The following MATN2 variants were observed in gnomAD, a reference collection of about 807,000 sequenced individuals.
MATN2 encodes the protein matrilin-2.
In MATN2, 69 loss-of-function variants were observed where a neutral mutation model predicts 103.2. The ratio of observed to expected loss-of-function variants is 0.67; its 90% CI spans 0.55 to 0.82. The LOEUF (loss-of-function observed/expected upper bound fraction) is 0.82, where lower values mean the gene tolerates loss of function less well. Among genes scored for constraint, MATN2 ranks in the 40% least tolerant of loss-of-function variants. MATN2 has a pLI of 0.00. For synonymous variants in MATN2, 429 were observed against 450.2 expected, an observed-to-expected ratio of 0.95 and a Z score of 0.60; for missense variants, 1,023 against 1,211.5, an observed-to-expected ratio of 0.84 and a Z score of 2.31.
rs541011473 is a variant in MATN2 at position 97,879,911 on chromosome 8, TAGGTGGAAGACAGGA to T, written c.-26-8159_-26-8145del. ...TCCCATTTGCTAGGGATTCCAGGATTAGGTGGAAGACAGGAAGGTACAGCCTGAAATTCACACAGC... is the reference window on the plus strand; with the variant it reads ...TCCCATTTGCTAGGGATTCCAGGATTAGGTACAGCCTGAAATTCACACAGC... On this transcript the variant is annotated intron_variant, in intron 1 of 18. Transcript: ENST00000254898. Among the ~76,000 whole-genome samples, 360 of 152,208 alleles carry T rather than the reference TAGGTGGAAGACAGGA, an allele frequency of 2.4e-3. 3 individuals carry two copies. The highest frequency in any genetic ancestry group is 5.2e-3 in the South Asian group (25 of 4,816).
intron 4 of MATN2, among the ~76,000 whole-genome samples, chr8:97,946,566 C>T (rs1039448667): frequency 6.6e-6 from 1 of 152,182 alleles, no homozygotes; most frequent in African/African-American, 2.4e-5. Context: ...CCTTATCCTT[C>T]CCCTTCCCAG....
rs1281530401 is a variant in MATN2, at chr8:98,003,732, T to C, written c.1276T>C (p.Cys426Arg). Reference protein sequence around the residue: ...ECVNMEESYYCRCHRGYTLDP... With the variant: ...ECVNMEESYYRRCHRGYTLDP... ...CGTCAACATGGAGGAGAGCTACTACTGCCGCTGCCACCGTGGCTACACTCT... is the reference window on the plus strand; with the variant it reads ...CGTCAACATGGAGGAGAGCTACTACCGCCGCTGCCACCGTGGCTACACTCT... The change falls in exon 8 of 19, where the codon TGC becomes CGC. Residue 426 changes from cysteine (C) to arginine (R), a missense_variant. By Grantham distance (180) the Cys-to-Arg change is radical. Transcript: ENST00000254898. The C allele has an allele frequency of 1.2e-6, 2 of 1,613,378 alleles. No homozygotes were observed. The highest frequency in any genetic ancestry group is 1.7e-6 in the Non-Finnish European group (2 of 1,179,660).
chr8:97,988,189 T>TATATATATATATATATATACACAC (rs71570279), intron 6 of MATN2, among the ~76,000 whole-genome samples: 3 of 54,968 alleles, frequency 5.5e-5, no homozygotes, highest in African/African-American at 1.6e-4. Context: ...TATATATATA[T>TATATATATATATATATATACACAC]ACACACACAC....
At chr8:98,018,229 C>A in intron 12 of MATN2, 113 bp downstream of exon 12, 9 of 1,384,804 alleles carry the variant, frequency 6.5e-6, no homozygotes, top group Non-Finnish European at 9.0e-6. Flanking sequence ...AGTGTCAGTT[C>A]CTGCCTTGGG....
In MATN2 at chr8:98,003,691, G is replaced by C; in HGVS notation, c.1235G>C (p.Gly412Ala). Residue 412 changes from glycine (G) to alanine (A), a missense_variant, in exon 8 of 19, where the codon GGC becomes GCC. By Grantham distance (60) the Gly-to-Ala change is moderately conservative. Transcript: ENST00000254898. The stretch of plus-strand genomic sequence containing the variant: ...AACTACTGTGCACTGAACAAACCGG[G>C]CTGTGAGCATGAGTGCGTCAACATG... ...RINYCALNKP[G>A]CEHECVNMEE... 1 of 1,613,862 alleles carries C rather than the reference G, an allele frequency of 6.2e-7. No individual in the cohort carries two copies. Among genetic ancestry groups the C allele is most frequent in the South Asian group, 1.1e-5 (1 of 91,090 alleles).
chr8:98,002,962 C>G (rs757678806), intron 7 of MATN2, among the ~76,000 whole-genome samples: 4 of 152,122 alleles, frequency 2.6e-5, no homozygotes, highest in Non-Finnish European at 4.4e-5. Context: ...TCCAGTCATG[C>G]TCAGGTGGGC....
chr8:97,881,574 T>C lies in MATN2; in HGVS notation c.-26-6501T>C, dbSNP rs532497570. Among the ~76,000 whole-genome samples the C allele has an allele frequency of 5.8e-4, 89 of 152,234 alleles. 2 individuals are homozygous for C. The highest frequency in any genetic ancestry group is 7.1e-4 in the Non-Finnish European group (48 of 68,050). ...GTATTATTTTAAAATATTCTTTCCATGTTCCCAAATGCTTCATGGAATCTG... is the reference window on the plus strand; with the variant it reads ...GTATTATTTTAAAATATTCTTTCCACGTTCCCAAATGCTTCATGGAATCTG... On this transcript the variant is annotated intron_variant, in intron 1 of 18. Coordinates refer to ENST00000254898, the MANE Select transcript of MATN2 (RefSeq NM_002380.5).
chr8:97,935,229 A>G (rs1385701510), intron 3 of MATN2, among the ~76,000 whole-genome samples: 2 of 151,988 alleles, frequency 1.3e-5, no homozygotes, highest in South Asian at 2.1e-4. Flanking sequence ...TATTATCCCT[A>G]TTTTACACAA....
intron 2 of MATN2, among the ~76,000 whole-genome samples, chr8:97,908,599 G>C (rs1240370037): frequency 6.6e-6 from 1 of 152,118 alleles, no homozygotes; most frequent in African/African-American, 2.4e-5. Context: ...ACCATCTACT[G>C]TACTGACTTA....
intron 2 of MATN2, among the ~76,000 whole-genome samples, chr8:97,897,565 G>T (rs1818854646): frequency 6.6e-6 from 1 of 152,168 alleles, no homozygotes; most frequent in Non-Finnish European, 1.5e-5. Context: ...ACAAATGAAG[G>T]TCGATGCATT....
intron 2 of MATN2, among the ~76,000 whole-genome samples, chr8:97,913,259 T>A (rs938144160): frequency 6.6e-6 from 1 of 152,104 alleles, no homozygotes; most frequent in Non-Finnish European, 1.5e-5. Context: ...GCTGGAAGAC[T>A]CATGGGGAGA....
intron 4 of MATN2, chr8:97,951,908 G>A (rs1220990951): frequency 6.6e-6 from 1 of 152,214 alleles, no homozygotes; most frequent in African/African-American, 2.4e-5. Flanking sequence ...CGGGAAAGGA[G>A]GAGACTAGGC....
chr8:97,896,211 A>G (rs1291828889), intron 2 of MATN2, among the ~76,000 whole-genome samples: 1 of 152,202 alleles, frequency 6.6e-6, no homozygotes, highest in Non-Finnish European at 1.5e-5. Context: ...TTCAATCTTG[A>G]TTAACCTTCT....
rs1179398817 is a variant in MATN2, at chr8:98,036,519, C to T, written c.*807C>T. The T allele has an allele frequency of 2.0e-5, 3 of 152,172 alleles. No homozygotes were observed. Among genetic ancestry groups the T allele is most frequent in the Non-Finnish European group, 2.9e-5 (2 of 68,036 alleles). 9.4% of individuals were successfully genotyped at this position (152,172 alleles called of 1,614,324 possible). A position where few individuals can be genotyped will look rare whatever the true frequency, so the allele number is the denominator to read the frequency against. ...CACAACCCTGTAAATCTAGCAACTG[C>T]ACTCAGTTGATTTCAGCCCATACAT... On this transcript the variant is annotated 3_prime_UTR_variant, in exon 19 of 19. Coordinates refer to ENST00000254898, the MANE Select transcript of MATN2 (RefSeq NM_002380.5).
chr8:97,986,855 C>T (rs569623370), intron 6 of MATN2, among the ~76,000 whole-genome samples: 11 of 152,010 alleles, frequency 7.2e-5, no homozygotes, highest in Non-Finnish European at 1.2e-4. Flanking sequence ...TTTTTTGAGA[C>T]GGAGTCTCGC....
intron 1 of MATN2, among the ~76,000 whole-genome samples, chr8:97,884,625 G>T (rs1818366715): frequency 6.6e-6 from 1 of 152,020 alleles, no homozygotes; most frequent in South Asian, 2.1e-4. Context: ...CAAAAAATTA[G>T]CTGGGCATGG....
rs189656461 is a variant in MATN2, at chr8:97,890,685, G to C, written c.142+2443G>C. On this transcript the variant is annotated intron_variant, in intron 2 of 18. Transcript: ENST00000254898. The stretch of plus-strand genomic sequence containing the variant: ...AGTGTTTTGTATTTTATGCATGTTT[G>C]CTTCTCTTGGCTCTTGGACTATTTG... 1.5e-3 allele frequency among the ~76,000 whole-genome samples: 235 copies of C among 152,176 alleles called. 1 individual carries two copies. The highest frequency in any genetic ancestry group is 2.6e-3 in the Non-Finnish European group (175 of 68,004).
chr8:97,888,180 C>G lies in MATN2; in HGVS notation c.80C>G (p.Ser27Ter). The change falls in exon 2 of 19, where the codon TCA (serine) becomes TGA (stop). Residue 27 changes from serine (S) to a stop codon, truncating the protein, a stop_gained. Transcript: ENST00000254898. LOFTEE classifies it high-confidence loss of function. ...VLLPAEARER[S>*]RGRSISRGRH... Reference sequence around the variant, plus strand: ...CTCCCTGCCGAGGCCAGGGAGCGGTCACGTGGGAGGTCCATCTCTAGGGGC... The same window carrying G: ...CTCCCTGCCGAGGCCAGGGAGCGGTGACGTGGGAGGTCCATCTCTAGGGGC... 6.2e-7 allele frequency: 1 copy of G among 1,605,540 alleles called. No homozygotes were observed. Among genetic ancestry groups the G allele is most frequent in the Non-Finnish European group, 8.5e-7 (1 of 1,174,850 alleles).
intron 3 of MATN2, among the ~76,000 whole-genome samples, chr8:97,938,124 A>G (rs1213020698): frequency 1.3e-5 from 2 of 152,080 alleles, no homozygotes; most frequent in Admixed American, 6.6e-5. Flanking sequence ...CCTCCCACTC[A>G]TGACAGTGGG....
Sources: gnomAD v4.1 joint callset for allele counts (sites outside exome capture counted in the v4.1 genomes callset) on GRCh38, gnomAD v4.1.1 for gene constraint, MANE v1.5 for transcripts, NCBI Gene and HGNC (gene_info 2026-07-23, HGNC 2026-07-21) for gene names.